Variants in STIM2 observed in about 807,000 individuals in gnomAD.
STIM2 encodes the protein stromal interaction molecule 2.
Under a neutral mutation model 85.8 loss-of-function variants are expected in STIM2, and 31 were observed. The observed-to-expected ratio is 0.36, with a 90% CI of 0.27 to 0.49. The LOEUF (loss-of-function observed/expected upper bound fraction) is 0.49, where lower values mean the gene tolerates loss of function less well. Ranked by LOEUF, STIM2 falls within the 20% of genes least tolerant of loss-of-function variation. STIM2 has a pLI of 0.98. For synonymous variants in STIM2, 356 were observed against 331.1 expected, an observed-to-expected ratio of 1.08 and a Z score of -0.82; for missense variants, 841 against 927.6, an observed-to-expected ratio of 0.91 and a Z score of 1.21.
intron 10 of STIM2, among the ~76,000 whole-genome samples, chr4:27,012,050 C>T (rs1338424313): frequency 2.0e-5 from 3 of 152,006 alleles, no homozygotes; most frequent in East Asian, 1.9e-4. Flanking sequence ...TCTTGATATA[C>T]GGGTAAACAG....
intron 3 of STIM2, among the ~76,000 whole-genome samples, chr4:26,991,751 A>G (rs1264067858): frequency 6.6e-6 from 1 of 152,076 alleles, no homozygotes; most frequent in Non-Finnish European, 1.5e-5. Flanking sequence ...TGGCTATGAT[A>G]TTATCCTGAA....
chr4:26,916,809 T>C (rs999177980), intron 1 of STIM2, among the ~76,000 whole-genome samples: 7 of 152,142 alleles, frequency 4.6e-5, no homozygotes, highest in African/African-American at 1.7e-4. Flanking sequence ...CTCAAGGTTG[T>C]CAGCTACAGA....
chr4:27,017,676 CT>C, intron 10 of STIM2, 34 bp from the exon 11 acceptor site: 1 of 1,609,898 alleles, frequency 6.2e-7, no homozygotes, highest in Non-Finnish European at 8.5e-7. Context: ...GAACCCTGGA[CT>C]TCATGAGCAT....
Position 26,861,166 on chromosome 4 carries a change from C to G in STIM2, c.-53C>G, listed in dbSNP as rs1260750333. 4.4e-6 allele frequency: 6 copies of G among 1,372,140 alleles called. No individual in the cohort carries two copies. Among genetic ancestry groups the G allele is most frequent in the Non-Finnish European group, 4.7e-6 (5 of 1,060,426 alleles). 85.0% of individuals were successfully genotyped at this position (1,372,140 alleles called of 1,614,324 possible). ...TCTCCTCGGCGCCTTCATCCCGCCTCGACTCCTGGCCCAGCGTGGGGCTGG... is the reference window on the plus strand; with the variant it reads ...TCTCCTCGGCGCCTTCATCCCGCCTGGACTCCTGGCCCAGCGTGGGGCTGG... On this transcript the variant is annotated 5_prime_UTR_variant, in exon 1 of 12. Transcript: ENST00000467087.
At chr4:26,998,913 A>G (rs540166583) in intron 4 of STIM2, among the ~76,000 whole-genome samples, 205 of 151,566 alleles carry the variant, frequency 1.4e-3, no homozygotes, top group African/African-American at 4.8e-3. Context: ...CTCTGTCTCA[A>G]AAAAAAAAAT....
At chr4:26,997,202 G>T (rs1359289275) in intron 4 of STIM2, among the ~76,000 whole-genome samples, 2 of 152,088 alleles carry the variant, frequency 1.3e-5, no homozygotes, top group Non-Finnish European at 2.9e-5. Flanking sequence ...AGAGCTCTTT[G>T]TATGGTATCT....
In STIM2 at chr4:27,017,045, C is replaced by T. The variant is rs146109592; in HGVS notation, c.1490-666C>T. Reference sequence around the variant, plus strand: ...AGGTTGTTATTAGGTGAGTTATGTTCGTTCAGTTAAGAGTAAGAAATGGAA... The same window carrying T: ...AGGTTGTTATTAGGTGAGTTATGTTTGTTCAGTTAAGAGTAAGAAATGGAA... On this transcript the variant is annotated intron_variant, in intron 10 of 11. Coordinates refer to ENST00000467087, the MANE Select transcript of STIM2 (RefSeq NM_020860.4). Among the ~76,000 whole-genome samples the T allele has an allele frequency of 2.6e-5, 4 of 152,220 alleles. No homozygotes were observed. The East Asian group carries it at 5.8e-4, about 22-fold the overall frequency.
chr4:26,947,691 C>T (rs1205480730), intron 2 of STIM2, among the ~76,000 whole-genome samples: 2 of 152,198 alleles, frequency 1.3e-5, no homozygotes, highest in Non-Finnish European at 2.9e-5. Flanking sequence ...GAGCATAAAG[C>T]GCTTCCTCCC....
At chr4:26,939,279 A>G (rs1725510021) in intron 2 of STIM2, among the ~76,000 whole-genome samples, 3 of 152,072 alleles carry the variant, frequency 2.0e-5, no homozygotes, top group Admixed American at 6.6e-5. Context: ...CTTGAGTCTT[A>G]TCTTGAGCTT....
intron 10 of STIM2, among the ~76,000 whole-genome samples, chr4:27,014,448 G>C (rs574577796): frequency 6.6e-6 from 1 of 150,444 alleles, no homozygotes; most frequent in East Asian, 1.9e-4. Flanking sequence ...AGAAGCATAT[G>C]TTTTAATTTC....
At chr4:26,956,512 T>C (rs1425467234) in intron 2 of STIM2, among the ~76,000 whole-genome samples, 1 of 151,454 alleles carries the variant, frequency 6.6e-6, no homozygotes, top group East Asian at 1.9e-4. Flanking sequence ...GGTGCAATCA[T>C]AGCTCACTGC....
intron 1 of STIM2, among the ~76,000 whole-genome samples, chr4:26,914,071 C>T (rs1413155647): frequency 6.6e-6 from 1 of 152,128 alleles, no homozygotes; most frequent in Non-Finnish European, 1.5e-5. Flanking sequence ...AAGAGCTTTG[C>T]CAATGGAGGA....
chr4:26,930,731 A>G (rs1397360655), intron 2 of STIM2, among the ~76,000 whole-genome samples: 3 of 152,218 alleles, frequency 2.0e-5, no homozygotes, highest in Non-Finnish European at 2.9e-5. Flanking sequence ...GCATTTTAAA[A>G]TTGAACAGTG....
chr4:26,958,672 AAT>A (rs955449992), intron 3 of STIM2, among the ~76,000 whole-genome samples: 28 of 151,380 alleles, frequency 1.8e-4, no homozygotes, highest in African/African-American at 6.9e-4. Context: ...TTAAAAGAAA[AAT>A]ATATAGACTT....
At chr4:26,972,007 G>C (rs1158761211) in intron 3 of STIM2, among the ~76,000 whole-genome samples, 2 of 152,148 alleles carry the variant, frequency 1.3e-5, no homozygotes, top group Non-Finnish European at 2.9e-5. Flanking sequence ...AAGCAGTTGT[G>C]AATGGGAGTT....
intron 2 of STIM2, among the ~76,000 whole-genome samples, chr4:26,921,072 C>G (rs903772844): frequency 1.3e-5 from 2 of 152,034 alleles, no homozygotes; most frequent in Non-Finnish European, 2.9e-5. Flanking sequence ...TTGGGTGGGC[C>G]TGTAATTCAA....
At chr4:26,902,557 A>G (rs1304578652) in intron 1 of STIM2, among the ~76,000 whole-genome samples, 1 of 152,230 alleles carries the variant, frequency 6.6e-6, no homozygotes, top group East Asian at 1.9e-4. Flanking sequence ...CTACACAGTA[A>G]CAGCAGTTCA....
chr4:26,991,395 A>G (rs1727760081), intron 3 of STIM2, among the ~76,000 whole-genome samples: 1 of 152,120 alleles, frequency 6.6e-6, no homozygotes, highest in Admixed American at 6.6e-5. Flanking sequence ...ATGGAAGTAG[A>G]GAGTAGAATG....
intron 1 of STIM2, among the ~76,000 whole-genome samples, chr4:26,890,014 G>A (rs1349087011): frequency 6.6e-6 from 1 of 152,110 alleles, no homozygotes; most frequent in Non-Finnish European, 1.5e-5. Flanking sequence ...TGGTGTACAC[G>A]GTGGCACCTC....
Sources: allele counts gnomAD v4.1 joint callset (sites outside exome capture counted in the v4.1 genomes callset), GRCh38; gene constraint gnomAD v4.1.1; transcripts MANE v1.5; gene names NCBI Gene and HGNC (gene_info 2026-07-23, HGNC 2026-07-21).